MGAT4C: variants seen among roughly 807,000 people sequenced by gnomAD.
MGAT4C encodes the protein alpha-1,3-mannosyl-glycoprotein 4-beta-N-acetylglucosaminyltransferase C.
Under a neutral mutation model 40.1 loss-of-function variants are expected in MGAT4C, and 19 were observed. The ratio of observed to expected loss-of-function variants is 0.47; its 90% CI spans 0.33 to 0.70. The LOEUF is 0.70. Among genes scored for constraint, MGAT4C ranks in the 30% least tolerant of loss-of-function variants. MGAT4C has a pLI of 0.02. For synonymous variants in MGAT4C, 181 were observed against 187.1 expected (o/e 0.97, Z 0.27); for missense variants, 491 against 563.2 (o/e 0.87, Z 1.30).
intron 1 of MGAT4C, among the ~76,000 whole-genome samples, chr12:86,152,629 C>T (rs561692815): frequency 1.3e-5 from 2 of 152,326 alleles, no homozygotes; most frequent in African/African-American, 4.8e-5. Flanking sequence ...TCGTATATCA[C>T]ACAGGGCTAC....
At chr12:86,300,767 A>T (rs1953790793) in intron 4 of MGAT4C, among the ~76,000 whole-genome samples, 1 of 152,082 alleles carries the variant, frequency 6.6e-6, no homozygotes, top group Non-Finnish European at 1.5e-5. Flanking sequence ...TTTCACTTGC[A>T]TTTCATAAAC....
At chr12:86,272,557 T>C (rs1350075656) in intron 4 of MGAT4C, among the ~76,000 whole-genome samples, 1 of 152,076 alleles carries the variant, frequency 6.6e-6, no homozygotes, top group African/African-American at 2.4e-5. Flanking sequence ...AATAATGATA[T>C]CTAAAATAAA....
In MGAT4C at chr12:85,983,513, G is replaced by A; in HGVS notation, c.295+10C>T. The A allele has an allele frequency of 4.6e-6, 7 of 1,530,950 alleles. No individual in the cohort carries two copies. Among genetic ancestry groups the A allele is most frequent in the Non-Finnish European group, 5.2e-6 (6 of 1,144,028 alleles). 94.8% of individuals were successfully genotyped at this position (1,530,950 alleles called of 1,614,324 possible). A position where few individuals can be genotyped will look rare whatever the true frequency, so the allele number is the denominator to read the frequency against. On this transcript the variant is annotated intron_variant, in intron 4 of 4. Coordinates refer to ENST00000611864, the MANE Select transcript of MGAT4C (RefSeq NM_001351288.2). Reference sequence around the variant, plus strand: ...ATGTATTCTTTATTTAAATGTTTAAGGATACTTACGCTTTCTTTGTAAAGG... The same window carrying A: ...ATGTATTCTTTATTTAAATGTTTAAAGATACTTACGCTTTCTTTGTAAAGG...
intron 1 of MGAT4C, among the ~76,000 whole-genome samples, chr12:86,122,937 G>A (rs540329969): frequency 6.6e-6 from 1 of 152,226 alleles, no homozygotes; most frequent in East Asian, 1.9e-4. Context: ...GAGGCATAAC[G>A]CATTGATAGC....
Position 86,695,174 on chromosome 12 carries a change from ACAT to A in MGAT4C, c.-229+32032_-229+32034del, listed in dbSNP as rs372392062. On this transcript the variant is annotated intron_variant, in intron 2 of 7. Coordinates refer to the MGAT4C transcript ENST00000548651. ...AAACATACATATGAAAAGGTGTTTAACATCATTGATTATCAGCAAAATGCAAAC... is the reference window on the plus strand; with the variant it reads ...AAACATACATATGAAAAGGTGTTTAACATTGATTATCAGCAAAATGCAAAC... Among the ~76,000 whole-genome samples the A allele has an allele frequency of 8.6e-3, 1,317 of 152,312 alleles. 7 individuals carry two copies. The highest frequency in any genetic ancestry group is 0.017 in the Middle Eastern group (5 of 294).
intron 2 of MGAT4C, among the ~76,000 whole-genome samples, chr12:86,622,634 A>C (rs762039786): frequency 9.2e-5 from 14 of 152,162 alleles, no homozygotes; most frequent in Non-Finnish European, 1.8e-4. Flanking sequence ...GACTCACAAT[A>C]ATAAAAGTGT....
chr12:86,147,328 A>G (rs560684806), intron 1 of MGAT4C, among the ~76,000 whole-genome samples: 61 of 151,210 alleles, frequency 4.0e-4, no homozygotes, highest in Admixed American at 3.0e-3. Flanking sequence ...TGCAAGCTCC[A>G]CCTCCCGGGT....
rs145599657 is a variant in MGAT4C, at chr12:86,637,789, G to A, written c.-229+89420C>T. On this transcript the variant is annotated intron_variant, in intron 2 of 7. Transcript: ENST00000548651. ...CAATCAGTAGCACTTCCTTCTTCAG[G>A]AGAAGACAGATCATACCCACGTTAT... Among the ~76,000 whole-genome samples the A allele has an allele frequency of 8.7e-3, 1,323 of 151,810 alleles. 8 individuals carry two copies. The highest frequency in any genetic ancestry group is 0.017 in the Middle Eastern group (5 of 294).
intron 1 of MGAT4C, among the ~76,000 whole-genome samples, chr12:86,780,559 G>A (rs1002066453): frequency 1.3e-5 from 2 of 152,052 alleles, no homozygotes; most frequent in African/African-American, 4.8e-5. Flanking sequence ...CTCCACCATC[G>A]TAAGATGTGC....
intron 1 of MGAT4C, among the ~76,000 whole-genome samples, chr12:86,203,773 C>T (rs943951616): frequency 3.3e-5 from 5 of 151,560 alleles, no homozygotes; most frequent in Non-Finnish European, 7.4e-5. Context: ...GACTGACCAA[C>T]GTGGTGAAAC....
intron 1 of MGAT4C, among the ~76,000 whole-genome samples, chr12:86,141,322 A>G (rs1234864767): frequency 6.6e-6 from 1 of 152,218 alleles, no homozygotes; most frequent in Non-Finnish European, 1.5e-5. Flanking sequence ...AATTATCAAT[A>G]AAATAAAGTG....
intron 1 of MGAT4C, among the ~76,000 whole-genome samples, chr12:86,758,159 C>G (rs894927250): frequency 6.6e-6 from 1 of 152,080 alleles, no homozygotes; most frequent in Non-Finnish European, 1.5e-5. Flanking sequence ...CAACAAACTG[C>G]ATTTCAATTA....
chr12:86,482,476 C>A (rs556116503), intron 2 of MGAT4C, among the ~76,000 whole-genome samples: 3 of 152,046 alleles, frequency 2.0e-5, no homozygotes, highest in East Asian at 3.9e-4. Context: ...AGGATAATCT[C>A]TTTAAAAAAT....
At chr12:86,532,377 A>G (rs1959000239) in intron 2 of MGAT4C, among the ~76,000 whole-genome samples, 1 of 152,048 alleles carries the variant, frequency 6.6e-6, no homozygotes, top group African/African-American at 2.4e-5. Flanking sequence ...ATCTTCCAGA[A>G]TAAAATGCTC....
chr12:86,734,432 T>C (rs558464761), intron 1 of MGAT4C, among the ~76,000 whole-genome samples: 3 of 152,112 alleles, frequency 2.0e-5, no homozygotes, highest in Admixed American at 6.6e-5. Flanking sequence ...TTCATTCTAA[T>C]GGAAAGGGGC....
At chr12:86,577,837 A>C (rs1310579179) in intron 2 of MGAT4C, among the ~76,000 whole-genome samples, 1 of 151,780 alleles carries the variant, frequency 6.6e-6, no homozygotes, top group East Asian at 1.9e-4. Context: ...TCTCCAACTT[A>C]TCTCTTCAAA....
chr12:86,045,690 A>G (rs1892339053), intron 2 of MGAT4C, among the ~76,000 whole-genome samples: 3 of 152,188 alleles, frequency 2.0e-5, no homozygotes, highest in Admixed American at 6.5e-5. Flanking sequence ...TCTGATTTCT[A>G]TATTTGTCTA....
intron 1 of MGAT4C, among the ~76,000 whole-genome samples, chr12:86,077,127 C>T (rs1483910086): frequency 1.3e-5 from 2 of 152,182 alleles, no homozygotes; most frequent in Non-Finnish European, 2.9e-5. Flanking sequence ...GCAACACTCT[C>T]ATAGACAAAC....
chr12:86,649,205 C>A (rs1214033261), intron 2 of MGAT4C, among the ~76,000 whole-genome samples: 3 of 151,618 alleles, frequency 2.0e-5, no homozygotes, highest in Admixed American at 2.0e-4. Context: ...TACTTCAGAC[C>A]ACTCTGAATG....
Sources: gnomAD v4.1 joint callset for allele counts (sites outside exome capture counted in the v4.1 genomes callset) on GRCh38, gnomAD v4.1.1 for gene constraint, MANE v1.5 for transcripts, NCBI Gene and HGNC (gene_info 2026-07-23, HGNC 2026-07-21) for gene names.